HERC2: variants seen among roughly 807,000 people sequenced by gnomAD.
The protein encoded by HERC2 is HECT and RLD domain containing E3 ubiquitin protein ligase 2.
HERC2 carries 102 observed loss-of-function variants against 537.7 expected under a neutral mutation model. That is an observed-to-expected ratio of 0.19 (90% CI 0.16 to 0.22). HERC2 has a LOEUF of 0.22. Ranked by LOEUF, HERC2 falls within the 10% of genes least tolerant of loss-of-function variation. The pLI, the probability that HERC2 is intolerant of heterozygous loss-of-function variation, is 1.00. For synonymous variants in HERC2, 2,224 were observed against 2,466.2 expected (o/e 0.90, Z 2.91); for missense variants, 4,236 against 6,198.2 (o/e 0.68, Z 10.63).
At chr15:28,308,464 T>C (rs528059866) in intron 2 of HERC2, among the ~76,000 whole-genome samples, 71 of 152,354 alleles carry the variant, frequency 4.7e-4, no homozygotes, top group Non-Finnish European at 9.1e-4. Flanking sequence ...GTCTTTAGGT[T>C]TTTCCAAATA....
rs537264227 is a variant in HERC2, at chr15:28,202,324, C to G, written c.7480+23G>C. 43 of 1,613,490 alleles carry G rather than the reference C, an allele frequency of 2.7e-5. No individual in the cohort carries two copies. The South Asian group carries it at 4.5e-4, about 17-fold the overall frequency. On this transcript the variant is annotated intron_variant, in intron 46 of 92. Coordinates refer to ENST00000261609, the MANE Select transcript of HERC2 (RefSeq NM_004667.6). ...AAGCGGGAACCCACACATACACAAG[C>G]AGAGGCCAGGAAAACGAAGTACCAG...
intron 69 of HERC2, among the ~76,000 whole-genome samples, chr15:28,157,607 T>G (rs1893144305): frequency 6.6e-6 from 1 of 152,236 alleles, no homozygotes; most frequent in African/African-American, 2.4e-5. Context: ...TTATCATTTT[T>G]TATTGCATCC....
chr15:28,245,258 G>A (rs945391433), intron 23 of HERC2, among the ~76,000 whole-genome samples: 12 of 151,994 alleles, frequency 7.9e-5, no homozygotes, highest in East Asian at 3.9e-4. Flanking sequence ...AAATATAACC[G>A]AAATATAGCC....
chr15:28,139,098 T>A (rs930795320), intron 78 of HERC2, among the ~76,000 whole-genome samples: 2 of 152,216 alleles, frequency 1.3e-5, no homozygotes, highest in Non-Finnish European at 2.9e-5. Flanking sequence ...ACCAAGAAAT[T>A]TGTGTGACAT....
intron 65 of HERC2, among the ~76,000 whole-genome samples, chr15:28,172,922 T>A (rs1364176939): frequency 6.6e-6 from 1 of 152,072 alleles, no homozygotes; most frequent in South Asian, 2.1e-4. Context: ...AAGAAAACAA[T>A]CAACCTATTT....
chr15:28,194,496 G>A (rs1264850302), intron 52 of HERC2, among the ~76,000 whole-genome samples: 2 of 151,582 alleles, frequency 1.3e-5, no homozygotes, highest in Admixed American at 1.3e-4. Flanking sequence ...CATGAACCCG[G>A]GAAGCGGAGC....
At chr15:28,214,875 T>C (rs115316008) in intron 39 of HERC2, 73 bp from the exon 40 acceptor site, 2 of 1,295,080 alleles carry the variant, frequency 1.5e-6, no homozygotes, top group African/African-American at 3.0e-5. Flanking sequence ...GTTATTTTTT[T>C]ATTTTTTATT....
At chr15:28,310,624 C>A (rs2076915688) in intron 2 of HERC2, among the ~76,000 whole-genome samples, 1 of 152,100 alleles carries the variant, frequency 6.6e-6, no homozygotes, top group Admixed American at 6.6e-5. Context: ...CAAACCCTAC[C>A]ACAATGCACA....
rs1410188700 is a variant in HERC2, at chr15:28,274,201, GGCTTCTTAGCTCTAAA to G, written c.800+74_800+89del. The G allele has an allele frequency of 5.8e-6, 8 of 1,374,420 alleles. No individual in the cohort carries two copies. The Admixed American group carries it at 1.7e-4, about 30-fold the overall frequency. The allele number at this position is 1,374,420 out of a possible 1,614,324, so 85.1% of individuals were successfully genotyped here. On this transcript the variant is annotated intron_variant, in intron 7 of 92. Transcript: ENST00000261609. ...AAACAGGTGAAAAACCAACCTACTAGGCTTCTTAGCTCTAAAGCAAGGGTGGTAAGAACCAGCCTCA... is the reference window on the plus strand; with the variant it reads ...AAACAGGTGAAAAACCAACCTACTAGGCAAGGGTGGTAAGAACCAGCCTCA...
chr15:28,268,575 T>C lies in HERC2; in HGVS notation c.1488A>G (p.Val496=). The change falls in exon 12 of 93, where the codon GTA becomes GTG. Residue 496 remains valine, a synonymous_variant. Coordinates refer to ENST00000261609, the MANE Select transcript of HERC2 (RefSeq NM_004667.6). The surrounding 1 kb of genome is among the most constrained non-coding windows in gnomAD (Gnocchi z 4.7). ...GACCATCAGAATGGGCAGCAATTTT[T>C]ACAATGTTTCTGGAGGCAAGGCCTT... is the stretch of plus-strand genomic sequence containing the variant. The part of the protein sequence containing the change: ...LVQGLASRNI[V]KIAAHSDGHH... 6.2e-7 allele frequency: 1 copy of C among 1,614,214 alleles called. No individual in the cohort carries two copies. Among genetic ancestry groups the C allele is most frequent in the Non-Finnish European group, 8.5e-7 (1 of 1,180,038 alleles).
intron 56 of HERC2, among the ~76,000 whole-genome samples, chr15:28,186,291 C>A (rs1378289408): frequency 6.6e-6 from 1 of 151,998 alleles, no homozygotes; most frequent in Admixed American, 6.6e-5. Flanking sequence ...AAAAGGAAAA[C>A]TACAAAGATA....
chr15:28,176,348 G>T lies in HERC2; in HGVS notation c.9686+80C>A. 3.0e-6 allele frequency: 4 copies of T among 1,354,342 alleles called. No individual in the cohort carries two copies. Among genetic ancestry groups the T allele is most frequent in the Non-Finnish European group, 4.2e-6 (4 of 962,216 alleles). 83.9% of individuals were successfully genotyped at this position (1,354,342 alleles called of 1,614,324 possible). A position where few individuals can be genotyped will look rare whatever the true frequency, so the allele number is the denominator to read the frequency against. ...AGAGGACACGTCACAATCACGCCGGGTGAGCCTGGGGCGAGGCCCAGGTTC... is the reference window on the plus strand; with the variant it reads ...AGAGGACACGTCACAATCACGCCGGTTGAGCCTGGGGCGAGGCCCAGGTTC... On this transcript the variant is annotated intron_variant, in intron 63 of 92. Transcript: ENST00000261609. The surrounding 1 kb of genome is among the most constrained non-coding windows in gnomAD (Gnocchi z 5.0).
intron 2 of HERC2, among the ~76,000 whole-genome samples, chr15:28,311,076 CAAAAAAAAA>C (rs71132854): frequency 3.4e-5 from 1 of 29,294 alleles, no homozygotes. Context: ...GACTGCATCT[CAAAAAAAAA>C]AAAAAAAAAA....
intron 34 of HERC2, 55 bp from the exon 35 acceptor site, chr15:28,228,464 T>G (rs757236332): frequency 4.6e-6 from 7 of 1,536,510 alleles, no homozygotes; most frequent in Non-Finnish European, 6.3e-6. Flanking sequence ...AGAATAAACG[T>G]AACGCAGAAA....
At chr15:28,241,113 C>T (rs183124845) in intron 23 of HERC2, among the ~76,000 whole-genome samples, 4 of 151,960 alleles carry the variant, frequency 2.6e-5, no homozygotes, top group East Asian at 1.9e-4. Flanking sequence ...AAACAGCAAC[C>T]GAAAGAATGC....
Position 28,233,725 on chromosome 15 carries a change from C to T in HERC2, c.4290G>A (p.Glu1430=), listed in dbSNP as rs1445633333. Reference sequence around the variant, plus strand: ...AGCGACCGACCTCTTCCACGGGATGCTCGGGGGGAAACATGATCGGTGTGG... The same window carrying T: ...AGCGACCGACCTCTTCCACGGGATGTTCGGGGGGAAACATGATCGGTGTGG... ...HLTTPIMFPP[E]HPVEEVGRLL... The change falls in exon 28 of 93, where the codon GAG becomes GAA. Residue 1430 remains glutamate, a synonymous_variant. Coordinates refer to ENST00000261609, the MANE Select transcript of HERC2 (RefSeq NM_004667.6). The T allele has an allele frequency of 1.9e-6, 3 of 1,613,564 alleles. No homozygotes were observed. The highest frequency in any genetic ancestry group is 1.1e-5 in the South Asian group (1 of 91,070).
chr15:28,289,388 A>C (rs1475749485), intron 4 of HERC2, among the ~76,000 whole-genome samples: 1 of 126,862 alleles, frequency 7.9e-6, no homozygotes, highest in Non-Finnish European at 1.8e-5. Flanking sequence ...AAATCCTAAA[A>C]GTGCATGCAC....
chr15:28,156,308 T>C (rs900872246), intron 69 of HERC2, among the ~76,000 whole-genome samples: 6 of 152,198 alleles, frequency 3.9e-5, no homozygotes, highest in Non-Finnish European at 8.8e-5. Flanking sequence ...AGAAAGTCAT[T>C]GGTAGCTTGA....
chr15:28,316,196 C>A (rs2077078067), intron 2 of HERC2: 1 of 145,254 alleles, frequency 6.9e-6, no homozygotes, highest in South Asian at 1.7e-4. Context: ...GTACTCCAAC[C>A]TGGGCAACAG....
Sources: allele counts gnomAD v4.1 joint callset (sites outside exome capture counted in the v4.1 genomes callset), GRCh38; gene constraint gnomAD v4.1.1; non-coding constraint Gnocchi (gnomAD v3.1); transcripts MANE v1.5; gene names NCBI Gene and HGNC (gene_info 2026-07-23, HGNC 2026-07-21).